The following HACD2 variants were observed in gnomAD, a reference collection of about 807,000 sequenced individuals.
The protein encoded by HACD2 is 3-hydroxyacyl-CoA dehydratase 2.
A neutral mutation model predicts 31.0 loss-of-function variants in HACD2; 15 were observed. The ratio of observed to expected loss-of-function variants is 0.48; its 90% CI spans 0.32 to 0.75. The LOEUF (loss-of-function observed/expected upper bound fraction) is 0.75. Among genes scored for constraint, HACD2 ranks in the 30% least tolerant of loss-of-function variants. The pLI, the probability that HACD2 is intolerant of heterozygous loss-of-function variation, is 0.03. For synonymous variants in HACD2, 115 were observed against 122.2 expected (o/e 0.94, Z 0.39); for missense variants, 283 against 313.0 (o/e 0.90, Z 0.72).
At chr3:123,539,581 A>G (rs2056464463) in intron 3 of HACD2, among the ~76,000 whole-genome samples, 1 of 152,080 alleles carries the variant, frequency 6.6e-6, no homozygotes, top group South Asian at 2.1e-4. Flanking sequence ...AAGAAAAACA[A>G]AATTAAAAAA....
At position 123,532,705 on chromosome 3, in the gene HACD2, A is replaced by G. The variant is rs566234761; in HGVS notation, c.293-4231T>C. Among the ~76,000 whole-genome samples, 448 of 151,992 alleles carry G rather than the reference A, an allele frequency of 2.9e-3. 2 individuals are homozygous for G. Among genetic ancestry groups the G allele is most frequent in the African/African-American group, 0.01 (435 of 41,460 alleles). On this transcript the variant is annotated intron_variant, in intron 3 of 6. Coordinates refer to ENST00000383657, the MANE Select transcript of HACD2 (RefSeq NM_198402.5). The stretch of plus-strand genomic sequence containing the variant: ...ACAAAAATTAGCCGGGCGTGGTGGC[A>G]GTCGCCTGTAATCCCAGCTACTCGG...
chr3:123,518,419 G>C (rs1461023756), intron 4 of HACD2, among the ~76,000 whole-genome samples: 1 of 152,094 alleles, frequency 6.6e-6, no homozygotes, highest in Non-Finnish European at 1.5e-5. Context: ...AAATCCTGTG[G>C]GACAGACCTC....
At chr3:123,548,292 T>C (rs1238653981) in intron 3 of HACD2, among the ~76,000 whole-genome samples, 2 of 152,094 alleles carry the variant, frequency 1.3e-5, no homozygotes, top group African/African-American at 4.8e-5. Context: ...ACCTCTTCTC[T>C]TCCTTGAGGA....
rs370108791 is a variant in HACD2, at chr3:123,511,121, A to G, written c.382-8440T>C. On this transcript the variant is annotated intron_variant, in intron 4 of 6. Coordinates refer to ENST00000383657, the MANE Select transcript of HACD2 (RefSeq NM_198402.5). ...ATATTCAAATCCTTTGCCCATTAAA[A>G]TTTTTTTAGTATCTCTTTTTAATAT... Among the ~76,000 whole-genome samples the G allele has an allele frequency of 5.3e-5, 8 of 152,172 alleles. No individual in the cohort carries two copies. The South Asian group carries it at 1.5e-3, about 28-fold the overall frequency.
chr3:123,557,670 G>C (rs1191980483), intron 3 of HACD2, among the ~76,000 whole-genome samples: 3 of 152,056 alleles, frequency 2.0e-5, no homozygotes, highest in Non-Finnish European at 2.9e-5. Context: ...CCTCATCAAA[G>C]AGGACCTACA....
At chr3:123,530,534 G>A (rs1298093654) in intron 3 of HACD2, among the ~76,000 whole-genome samples, 5 of 151,148 alleles carry the variant, frequency 3.3e-5, no homozygotes, top group African/African-American at 4.9e-5. Context: ...TCCGCCTCCC[G>A]AGTAGCTGGA....
chr3:123,508,157 C>T (rs1220805641), intron 4 of HACD2, among the ~76,000 whole-genome samples: 2 of 152,070 alleles, frequency 1.3e-5, no homozygotes, highest in Non-Finnish European at 2.9e-5. Flanking sequence ...GATAGGTTGC[C>T]AAAAATGTCA....
At chr3:123,506,787 G>T (rs1454625938) in intron 4 of HACD2, among the ~76,000 whole-genome samples, 2 of 152,134 alleles carry the variant, frequency 1.3e-5, no homozygotes, top group African/African-American at 4.8e-5. Flanking sequence ...TAAGTGGGGA[G>T]CCTCCTTTCT....
chr3:123,532,833 CAAAAAAAAAAAAAAAA>C (rs35001570), intron 3 of HACD2, among the ~76,000 whole-genome samples: 1 of 71,360 alleles, frequency 1.4e-5, no homozygotes, highest in Non-Finnish European at 2.3e-5. Context: ...GACTCCGTCT[CAAAAAAAAAAAAAAAA>C]AAAAAAAAAA....
At chr3:123,575,747 T>A (rs2056901786) in intron 2 of HACD2, among the ~76,000 whole-genome samples, 1 of 152,224 alleles carries the variant, frequency 6.6e-6, no homozygotes, top group South Asian at 2.1e-4. Flanking sequence ...CACGGGGATT[T>A]TTTCTTCTTT....
chr3:123,550,589 C>A (rs933102571), intron 3 of HACD2, among the ~76,000 whole-genome samples: 1 of 152,182 alleles, frequency 6.6e-6, no homozygotes, highest in African/African-American at 2.4e-5. Context: ...CAAAGGCTGA[C>A]ACCCCAGGTT....
chr3:123,554,530 A>G (rs1410001572), intron 3 of HACD2, among the ~76,000 whole-genome samples: 1 of 152,142 alleles, frequency 6.6e-6, no homozygotes, highest in African/African-American at 2.4e-5. Context: ...AAATTAAAGA[A>G]AATAAAGAAA....
At chr3:123,532,080 C>T (rs1045825541) in intron 3 of HACD2, among the ~76,000 whole-genome samples, 3 of 152,102 alleles carry the variant, frequency 2.0e-5, no homozygotes, top group Non-Finnish European at 4.4e-5. Context: ...ATACTCCCAC[C>T]AGCAATATAC....
chr3:123,546,194 T>G (rs971293293), intron 3 of HACD2, among the ~76,000 whole-genome samples: 5 of 152,318 alleles, frequency 3.3e-5, no homozygotes, highest in African/African-American at 1.2e-4. Flanking sequence ...GCTTCTGGAT[T>G]CCAACACTAA....
chr3:123,503,214 G>A (rs920564170), intron 4 of HACD2, among the ~76,000 whole-genome samples: 3 of 150,662 alleles, frequency 2.0e-5, no homozygotes, highest in Admixed American at 6.6e-5. Context: ...GCAGTGAGCC[G>A]AGATAGCGCC....
chr3:123,511,980 A>C (rs2056069587), intron 4 of HACD2, among the ~76,000 whole-genome samples: 1 of 152,068 alleles, frequency 6.6e-6, no homozygotes, highest in African/African-American at 2.4e-5. Flanking sequence ...CACAGGCTGG[A>C]TCCCTTCACC....
chr3:123,584,951 C>G lies in HACD2; in HGVS notation c.77G>C (p.Ser26Thr), dbSNP rs1405267630. 1 of 1,529,116 alleles carries G rather than the reference C, an allele frequency of 6.5e-7. No individual in the cohort carries two copies. Among genetic ancestry groups the G allele is most frequent in the Non-Finnish European group, 8.8e-7 (1 of 1,138,176 alleles). 94.7% of individuals were successfully genotyped at this position (1,529,116 alleles called of 1,614,324 possible). ...GGGRAGAGDA[S>T]GTRKKKGPGP... ...CGGGCCCTTCTTCTTCCGCGTGCCG[C>G]TGGCGTCCCCGGCCCCGGCCCTGCC... Residue 26 changes from serine to threonine, a missense_variant, in exon 1 of 7, where the codon AGC (serine) becomes ACC (threonine). Ser to Thr is a moderately conservative substitution (Grantham distance 58). Around this residue, in one of 3 missense-constraint regions of HACD2, gnomAD observed 158 missense variants for 148.3 expected, o/e 1.07. Transcript: ENST00000383657.
At position 123,500,463 on chromosome 3, in the gene HACD2, G is replaced by A. The variant is rs1023203158; in HGVS notation, c.682+52C>T. 13 of 1,236,496 alleles carry A rather than the reference G, an allele frequency of 1.1e-5. No homozygotes were observed. In the Admixed American group the frequency reaches 2.2e-4, roughly 21 times the overall value. 76.6% of individuals were successfully genotyped at this position (1,236,496 alleles called of 1,614,324 possible). A position where few individuals can be genotyped will look rare whatever the true frequency, so the allele number is the denominator to read the frequency against. ...AGACAGTCAAAGATATTTAGTTATT[G>A]TAGAGCCAAATTTTAAAACATAATT... On this transcript the variant is annotated intron_variant, in intron 6 of 6. Coordinates refer to ENST00000383657, the MANE Select transcript of HACD2 (RefSeq NM_198402.5).
rs572727485 is a variant in HACD2, at chr3:123,531,522, A to G, written c.293-3048T>C. Reference sequence around the variant, plus strand: ...TTTGTTAGAGGCGGAGTTTCAGGTCATCTGAAACTGACCTCAGGTCATCCA... The same window carrying G: ...TTTGTTAGAGGCGGAGTTTCAGGTCGTCTGAAACTGACCTCAGGTCATCCA... On this transcript the variant is annotated intron_variant, in intron 3 of 6. Transcript: ENST00000383657. Among the ~76,000 whole-genome samples, 12 of 152,052 alleles carry G rather than the reference A, an allele frequency of 7.9e-5. No homozygotes were observed. The South Asian group carries it at 2.5e-3, about 32-fold the overall frequency.
Sources: allele counts gnomAD v4.1 joint callset (sites outside exome capture counted in the v4.1 genomes callset), GRCh38; gene constraint gnomAD v4.1.1; regional missense constraint gnomAD v4.1.1; transcripts MANE v1.5; gene names NCBI Gene and HGNC (gene_info 2026-07-23, HGNC 2026-07-21).